The following GGACT variants were observed in gnomAD, a reference collection of about 807,000 sequenced individuals.
GGACT encodes gamma-glutamylaminecyclotransferase.
For missense variants in GGACT, 241 were observed against 233.2 expected, an observed-to-expected ratio of 1.03 and a Z score of -0.22; for synonymous variants, 118 against 115.3, an observed-to-expected ratio of 1.02 and a Z score of -0.15.
rs573192807 is a variant in GGACT, at chr13:100,545,345, C to A, written c.-10-12744G>T. Among the ~76,000 whole-genome samples, 4 of 152,346 alleles carry A rather than the reference C, an allele frequency of 2.6e-5. No homozygotes were observed. The highest frequency in any genetic ancestry group is 6.5e-5 in the Admixed American group (1 of 15,304). On this transcript the variant is annotated intron_variant, in intron 2 of 2. Coordinates refer to ENST00000683975, the MANE Select transcript of GGACT (RefSeq NM_001195087.2). This position sits in a 1 kb window ranked among gnomAD's most constrained non-coding sequence, Gnocchi z 4.4. ...AAGCTGGGGCAGAGGTGAAGTGACT[C>A]ACACACAAGGCGACCCAGGCAAGGG...
chr13:100,587,798 C>T (rs559708810), intron 1 of GGACT, among the ~76,000 whole-genome samples: 2 of 152,306 alleles, frequency 1.3e-5, no homozygotes, highest in African/African-American at 2.4e-5. Context: ...GAGGCCAAGG[C>T]GGGCGGATCA....
chr13:100,549,505 C>A (rs1566532076), intron 2 of GGACT, among the ~76,000 whole-genome samples: 1 of 152,206 alleles, frequency 6.6e-6, no homozygotes, highest in Non-Finnish European at 1.5e-5. Flanking sequence ...AAAAGGAACC[C>A]AACTGGCCAT....
At chr13:100,581,602 T>C (rs1875419263) in intron 2 of GGACT, among the ~76,000 whole-genome samples, 1 of 152,190 alleles carries the variant, frequency 6.6e-6, no homozygotes, top group Non-Finnish European at 1.5e-5. Flanking sequence ...AAATAACATA[T>C]GTAGACACTT....
intron 2 of GGACT, among the ~76,000 whole-genome samples, chr13:100,546,432 C>T (rs866950313): frequency 1.3e-4 from 19 of 148,002 alleles, no homozygotes; most frequent in East Asian, 4.0e-4. Flanking sequence ...TGTGATTCCA[C>T]GAGTTAAATG....
intron 2 of GGACT, chr13:100,540,143 T>C: frequency 6.3e-7 from 1 of 1,592,996 alleles, no homozygotes; most frequent in Non-Finnish European, 8.5e-7. Context: ...AATTTCTTAA[T>C]GGCGTTGTCC....
chr13:100,577,357 A>T (rs1875277388), intron 2 of GGACT, among the ~76,000 whole-genome samples: 2 of 151,962 alleles, frequency 1.3e-5, no homozygotes, highest in Non-Finnish European at 2.9e-5. Context: ...CAGAGGTTGC[A>T]GTGAGCCAGG....
chr13:100,584,356 C>A (rs146394630), intron 1 of GGACT, among the ~76,000 whole-genome samples: 3 of 152,096 alleles, frequency 2.0e-5, no homozygotes, highest in Admixed American at 1.3e-4. Context: ...CGTTATGTGA[C>A]GTGAAATAAC....
Position 100,545,851 on chromosome 13 carries a change from A to T in GGACT, c.-10-13250T>A, listed in dbSNP as rs1357180577. Among the ~76,000 whole-genome samples, 1 of 152,184 alleles carries T rather than the reference A, an allele frequency of 6.6e-6. No homozygotes were observed. The highest frequency in any genetic ancestry group is 2.4e-5 in the African/African-American group (1 of 41,446). ...ACAGAAGGAAGTAAGGGTTCGGAGAATTCAGACACCAAAGGCCCCATCATG... is the reference window on the plus strand; with the variant it reads ...ACAGAAGGAAGTAAGGGTTCGGAGATTTCAGACACCAAAGGCCCCATCATG... On this transcript the variant is annotated intron_variant, in intron 2 of 2. Coordinates refer to ENST00000683975, the MANE Select transcript of GGACT (RefSeq NM_001195087.2). This position sits in a 1 kb window ranked among gnomAD's most constrained non-coding sequence, Gnocchi z 4.4.
At chr13:100,567,530 G>T (rs1874932961) in intron 2 of GGACT, among the ~76,000 whole-genome samples, 1 of 152,162 alleles carries the variant, frequency 6.6e-6, no homozygotes, top group African/African-American at 2.4e-5. Context: ...AGGAGCTCTT[G>T]TTCTCTTGTA....
intron 2 of GGACT, among the ~76,000 whole-genome samples, chr13:100,579,119 A>G (rs1037420064): frequency 6.6e-6 from 1 of 152,190 alleles, no homozygotes; most frequent in Non-Finnish European, 1.5e-5. Flanking sequence ...GGTGCCCACT[A>G]TGTGGAAGGC....
At chr13:100,568,002 G>A (rs533786194) in intron 2 of GGACT, among the ~76,000 whole-genome samples, 1 of 152,326 alleles carries the variant, frequency 6.6e-6, no homozygotes, top group South Asian at 2.1e-4. Context: ...CAGGGCAGGT[G>A]AAGAACCAGG....
intron 2 of GGACT, among the ~76,000 whole-genome samples, chr13:100,571,205 A>C (rs9300607): frequency 0.41 from 62,933 of 152,116 alleles, 15,048 homozygotes; most frequent in South Asian, 0.68. Flanking sequence ...GCACATGAGA[A>C]GCACACTTTT....
At chr13:100,573,884 C>A (rs373016218) in intron 2 of GGACT, among the ~76,000 whole-genome samples, 167 of 118,974 alleles carry the variant, frequency 1.4e-3, no homozygotes, top group South Asian at 1.9e-3. Flanking sequence ...ATCAAAAAGT[C>A]AAAAAAAAAA....
chr13:100,559,428 C>T (rs1406656460), intron 2 of GGACT, among the ~76,000 whole-genome samples: 1 of 152,182 alleles, frequency 6.6e-6, no homozygotes, highest in African/African-American at 2.4e-5. Flanking sequence ...CTCAGGTGAT[C>T]TACCCCCCTC....
Position 100,530,247 on chromosome 13 carries a change from A to T in GGACT, c.*1883T>A, listed in dbSNP as rs1456567451. On this transcript the variant is annotated 3_prime_UTR_variant, in exon 3 of 3. Coordinates refer to ENST00000683975, the MANE Select transcript of GGACT (RefSeq NM_001195087.2). ...TTCACACACAATTGATTCAAGCATT[A>T]TACAGGAACACCCCTGTGCAGCTAC... 6 of 1,094,188 alleles carry T rather than the reference A, an allele frequency of 5.5e-6. No homozygotes were observed. The highest frequency in any genetic ancestry group is 8.4e-6 in the Non-Finnish European group (6 of 711,916). 67.8% of individuals were successfully genotyped at this position (1,094,188 alleles called of 1,614,324 possible).
Position 100,532,512 on chromosome 13 carries a change from G to T in GGACT, c.80C>A (p.Ser27Tyr). 2 of 1,548,550 alleles carry T rather than the reference G, an allele frequency of 1.3e-6. No homozygotes were observed. The highest frequency in any genetic ancestry group is 3.3e-4 in the Middle Eastern group (2 of 5,982). Residue 27 changes from serine (S) to tyrosine (Y), a missense_variant, in exon 3 of 3, where the codon TCC (serine) becomes TAC (tyrosine). Coordinates refer to ENST00000683975, the MANE Select transcript of GGACT (RefSeq NM_001195087.2). ...HRVLRDGAHG[S>Y]AAFRARGRTL... is the part of the protein sequence containing the mutation. ...GCGGCCGCGCGCCCGAAAGGCTGCG[G>T]AGCCGTGGGCGCCGTCCCGCAGGAC...
chr13:100,574,123 T>C (rs1033728644), intron 2 of GGACT, among the ~76,000 whole-genome samples: 2 of 152,204 alleles, frequency 1.3e-5, no homozygotes, highest in South Asian at 2.1e-4. Context: ...AGCAAAGACA[T>C]GGAACCAACA....
chr13:100,560,077 G>A (rs2088745893), intron 2 of GGACT, among the ~76,000 whole-genome samples: 1 of 152,158 alleles, frequency 6.6e-6, no homozygotes, highest in African/African-American at 2.4e-5. Context: ...GCAGAGCAGA[G>A]GCTGCAAAGG....
Position 100,545,849 on chromosome 13 carries a change from G to T in GGACT, c.-10-13248C>A, listed in dbSNP as rs2088599140. On this transcript the variant is annotated intron_variant, in intron 2 of 2. Coordinates refer to ENST00000683975, the MANE Select transcript of GGACT (RefSeq NM_001195087.2). This position sits in a 1 kb window ranked among gnomAD's most constrained non-coding sequence, Gnocchi z 4.4. ...CTACAGAAGGAAGTAAGGGTTCGGA[G>T]AATTCAGACACCAAAGGCCCCATCA... is the stretch of plus-strand genomic sequence containing the variant. Among the ~76,000 whole-genome samples the T allele has an allele frequency of 6.6e-6, 1 of 152,168 alleles. No homozygotes were observed. Among genetic ancestry groups the T allele is most frequent in the Middle Eastern group, 3.2e-3 (1 of 316 alleles).
Sources: gnomAD v4.1 joint callset for allele counts (sites outside exome capture counted in the v4.1 genomes callset) on GRCh38, gnomAD v4.1.1 for gene constraint, Gnocchi (gnomAD v3.1) non-coding constraint, MANE v1.5 for transcripts, NCBI Gene and HGNC (gene_info 2026-07-23, HGNC 2026-07-21) for gene names.